ADGB: variants seen among roughly 807,000 people sequenced by gnomAD.
ADGB encodes the protein calpain-7-like protein.
ADGB carries 172 observed loss-of-function variants against 210.5 expected under a neutral mutation model. The observed-to-expected ratio is 0.82, with a 90% CI of 0.72 to 0.93. ADGB has a LOEUF of 0.93. ADGB is among the 40% of genes least tolerant of loss of function. The probability of loss-of-function intolerance (pLI) is 0.00; values close to 1 mark genes in which losing one functional copy is unlikely to be tolerated. For synonymous variants in ADGB, 658 were observed against 662.7 expected (o/e 0.99, Z 0.11); for missense variants, 2,025 against 1,964.8 (o/e 1.03, Z -0.58).
At chr6:146,742,940 C>T (rs1777180577) in intron 25 of ADGB, among the ~76,000 whole-genome samples, 2 of 152,024 alleles carry the variant, frequency 1.3e-5, no homozygotes, top group Admixed American at 6.6e-5. Flanking sequence ...TTATGCATGG[C>T]CCAAGACAAT....
At chr6:146,770,338 A>G (rs1777632115) in intron 29 of ADGB, 1 of 220,934 alleles carries the variant, frequency 4.5e-6, no homozygotes, top group Non-Finnish European at 9.6e-6. Flanking sequence ...AGATTCTAGT[A>G]TGTGTCTTAA....
rs1481980370 is a variant in ADGB at position 146,752,720 on chromosome 6, T to A, written c.3550+6T>A. 6.5e-7 allele frequency: 1 copy of A among 1,544,546 alleles called. No individual in the cohort carries two copies. The highest frequency in any genetic ancestry group is 2.4e-5 in the East Asian group (1 of 40,856). ...GAAAGGTTTGAGCTCCCAGTGTAAGTGTACCTTTATGAACAGGATAGTTAG... is the reference window on the plus strand; with the variant it reads ...GAAAGGTTTGAGCTCCCAGTGTAAGAGTACCTTTATGAACAGGATAGTTAG... On this transcript the variant is annotated splice_donor_region_variant and intron_variant, in intron 27 of 35. Coordinates refer to ENST00000397944, the MANE Select transcript of ADGB (RefSeq NM_024694.4).
Position 146,676,292 on chromosome 6 carries a change from T to G in ADGB, c.1088-21T>G, listed in dbSNP as rs765605521. The G allele has an allele frequency of 3.8e-5, 58 of 1,529,072 alleles. 1 individual carries two copies. The Middle Eastern group carries it at 1.2e-3, about 32-fold the overall frequency. The allele number at this position is 1,529,072 out of a possible 1,614,324, so 94.7% of individuals were successfully genotyped here. On this transcript the variant is annotated intron_variant, in intron 8 of 35. Coordinates refer to ENST00000397944, the MANE Select transcript of ADGB (RefSeq NM_024694.4). ...GAGATTGTCTAGTTAAAATATTTAT[T>G]GTGATTTTTTCATATGTTAGAGAAA...
At chr6:146,801,706 T>A (rs1778135263) in intron 34 of ADGB, 122 bp from the exon 35 acceptor site, 1 of 755,756 alleles carries the variant, frequency 1.3e-6, no homozygotes, top group Non-Finnish European at 2.0e-6. Context: ...CTATCCCTAA[T>A]GTTTTATTTG....
At chr6:146,710,281 G>A (rs907643142) in intron 13 of ADGB, among the ~76,000 whole-genome samples, 4 of 151,192 alleles carry the variant, frequency 2.6e-5, no homozygotes, top group East Asian at 1.9e-4. Flanking sequence ...CCAATTAATT[G>A]GGAACTGATT....
chr6:146,602,439 C>CTTTTAACATAACAAT (rs1780571816), intron 1 of ADGB, among the ~76,000 whole-genome samples: 1 of 152,156 alleles, frequency 6.6e-6, no homozygotes, highest in Non-Finnish European at 1.5e-5. Context: ...CTGTTATCAT[C>CTTTTAACATAACAAT]TTTTAACATA....
At chr6:146,803,928 G>A (rs1778172303) in intron 35 of ADGB, 1 of 261,252 alleles carries the variant, frequency 3.8e-6, no homozygotes. Context: ...CCCCAAAAAG[G>A]CTTAGCAATT....
Position 146,795,524 on chromosome 6 carries a change from A to G in ADGB, c.4538-5659A>G, listed in dbSNP as rs1253679217. Among the ~76,000 whole-genome samples, 8 of 152,160 alleles carry G rather than the reference A, an allele frequency of 5.3e-5. No homozygotes were observed. In the East Asian group the frequency reaches 1.2e-3, roughly 22 times the overall value. ...ACAGACATATTTCTAAAGAAGACAT[A>G]CATGCAGCCAATAAGCACATGAAAA... On this transcript the variant is annotated intron_variant, in intron 33 of 35. Transcript: ENST00000397944.
chr6:146,802,239 T>C (rs1344388161), intron 35 of ADGB: 3 of 267,978 alleles, frequency 1.1e-5, no homozygotes, highest in Non-Finnish European at 2.0e-5. Context: ...TCCTCAAAGA[T>C]GGGAAGAATA....
Position 146,728,725 on chromosome 6 carries a change from C to A in ADGB, c.2504C>A (p.Thr835Asn). The change falls in exon 20 of 36, where the codon ACT (threonine) becomes AAT (asparagine). Residue 835 changes from threonine (T) to asparagine (N), a missense_variant. Thr to Asn is a moderately conservative substitution (Grantham distance 65, BLOSUM62 0). Coordinates refer to ENST00000397944, the MANE Select transcript of ADGB (RefSeq NM_024694.4). The part of the protein sequence containing the change: ...YPVPFHDKEL[T>N]AQHFRVFHLS... The stretch of plus-strand genomic sequence containing the variant: ...GTCCCCTTCCATGATAAAGAACTAA[C>A]TGCACAGCACTTCAGGGTAAGCTTG... 6.5e-7 allele frequency: 1 copy of A among 1,549,026 alleles called. No individual in the cohort carries two copies. The highest frequency in any genetic ancestry group is 8.7e-7 in the Non-Finnish European group (1 of 1,145,250).
At chr6:146,757,105 T>C (rs1248209497) in intron 27 of ADGB, among the ~76,000 whole-genome samples, 3 of 152,248 alleles carry the variant, frequency 2.0e-5, no homozygotes, top group African/African-American at 7.2e-5. Context: ...GAAAACTCTT[T>C]GTATTATATG....
At chr6:146,743,376 A>C (rs1013450193) in intron 25 of ADGB, among the ~76,000 whole-genome samples, 3 of 152,170 alleles carry the variant, frequency 2.0e-5, no homozygotes, top group Non-Finnish European at 4.4e-5. Flanking sequence ...TACATCTAGC[A>C]TACCTCCTTG....
intron 2 of ADGB, among the ~76,000 whole-genome samples, chr6:146,641,126 A>T (rs1324678648): frequency 6.6e-6 from 1 of 151,950 alleles, no homozygotes; most frequent in East Asian, 1.9e-4. Flanking sequence ...CAATAGCCAA[A>T]ATGAGAGCCA....
Position 146,755,978 on chromosome 6 carries a change from T to C in ADGB, c.3550+3264T>C, listed in dbSNP as rs552668796. 1.2e-3 allele frequency among the ~76,000 whole-genome samples: 183 copies of C among 152,228 alleles called. 3 individuals carry two copies. The highest frequency in any genetic ancestry group is 4.2e-3 in the African/African-American group (176 of 41,572). ...TGTTTGTTTTGTTTTGTTTTAGTTA[T>C]ATAGGTGGGCATTCCAGAGCAATAC... On this transcript the variant is annotated intron_variant, in intron 27 of 35. Transcript: ENST00000397944.
intron 29 of ADGB, among the ~76,000 whole-genome samples, chr6:146,778,000 C>A (rs1019929350): frequency 3.9e-5 from 6 of 152,070 alleles, no homozygotes; most frequent in Admixed American, 3.9e-4. Context: ...CCATTAGCAG[C>A]CATATTTTGT....
At chr6:146,651,343 A>G (rs1356403996) in intron 3 of ADGB, among the ~76,000 whole-genome samples, 1 of 152,212 alleles carries the variant, frequency 6.6e-6, no homozygotes, top group Admixed American at 6.5e-5. Context: ...AAGGGCACCA[A>G]ATTAGTAACC....
chr6:146,773,502 A>G (rs1488593435), intron 29 of ADGB, among the ~76,000 whole-genome samples: 2 of 152,196 alleles, frequency 1.3e-5, no homozygotes, highest in Non-Finnish European at 2.9e-5. Flanking sequence ...CTAGAAGTTT[A>G]ATCACTCTAA....
intron 16 of ADGB, among the ~76,000 whole-genome samples, chr6:146,718,448 T>G (rs1466735158): frequency 6.6e-6 from 1 of 151,466 alleles, no homozygotes; most frequent in Non-Finnish European, 1.5e-5. Flanking sequence ...ATTGCTTCCC[T>G]GTGCCCATTC....
chr6:146,660,863 T>C (rs1366610340), intron 5 of ADGB, among the ~76,000 whole-genome samples: 1 of 152,182 alleles, frequency 6.6e-6, no homozygotes, highest in Non-Finnish European at 1.5e-5. Context: ...ACATTTATAT[T>C]TGATGTAATT....
Sources: gnomAD v4.1 joint callset for allele counts (sites outside exome capture counted in the v4.1 genomes callset) on GRCh38, gnomAD v4.1.1 for gene constraint, MANE v1.5 for transcripts, NCBI Gene and HGNC (gene_info 2026-07-23, HGNC 2026-07-21) for gene names.